The following MEAF6 variants were observed in gnomAD, a reference collection of about 807,000 sequenced individuals.
The protein encoded by MEAF6 is chromatin modification-related protein MEAF6.
In MEAF6, 15 loss-of-function variants were observed where a neutral mutation model predicts 28.9. The ratio of observed to expected loss-of-function variants is 0.52; its 90% CI spans 0.35 to 0.80. The LOEUF is 0.80. MEAF6 is among the 30% of genes least tolerant of loss of function. MEAF6 has a pLI of 0.01. For synonymous variants in MEAF6, 97 were observed against 88.7 expected (o/e 1.09, Z -0.53); for missense variants, 178 against 237.5 (o/e 0.75, Z 1.65).
chr1:37,514,275 A>T (rs1339671306), intron 1 of MEAF6: 1 of 146,622 alleles, frequency 6.8e-6, no homozygotes, highest in Non-Finnish European at 1.4e-5. Context: ...CCCCTCCCAC[A>T]CTAGCCTCCT....
At chr1:37,495,684 C>CA (rs376230589) in intron 6 of MEAF6, among the ~76,000 whole-genome samples, 34,669 of 69,290 alleles carry the variant, frequency 0.5, 6,726 homozygotes, top group East Asian at 0.59. Flanking sequence ...AACTGTCTCT[C>CA]AAAAAAAAAA....
intron 2 of MEAF6, among the ~76,000 whole-genome samples, chr1:37,512,684 G>C (rs1218272722): frequency 6.6e-6 from 1 of 151,902 alleles, no homozygotes. Flanking sequence ...GAAACCAGGA[G>C]TTCCAGGCCT....
intron 4 of MEAF6, among the ~76,000 whole-genome samples, chr1:37,506,423 G>C (rs905790302): frequency 2.6e-5 from 4 of 152,186 alleles, no homozygotes; most frequent in African/African-American, 7.2e-5. Flanking sequence ...GCCCAGGCTA[G>C]AGTACAGAGC....
intron 5 of MEAF6, among the ~76,000 whole-genome samples, chr1:37,497,340 G>A (rs1293001952): frequency 2.6e-5 from 4 of 151,050 alleles, no homozygotes; most frequent in East Asian, 2.0e-4. Context: ...CCGGGTTCAC[G>A]CCATTCTCCT....
intron 6 of MEAF6, among the ~76,000 whole-genome samples, chr1:37,494,901 G>A (rs985180958): frequency 2.0e-5 from 3 of 151,880 alleles, no homozygotes; most frequent in Non-Finnish European, 4.4e-5. Flanking sequence ...ATCTGAAAAT[G>A]GTCTGCCTTC....
rs1197320850 is a variant in MEAF6, at chr1:37,496,888, A to G, written c.534-970T>C. 3 of 742,174 alleles carry G rather than the reference A, an allele frequency of 4.0e-6. No individual in the cohort carries two copies. In the African/African-American group the frequency reaches 5.5e-5, roughly 14 times the overall value. The allele number at this position is 742,174 out of a possible 1,614,324, so 46.0% of individuals were successfully genotyped here. On this transcript the variant is annotated intron_variant, in intron 5 of 6. Transcript: ENST00000296214. ...AGTATCAAACATCAAAGCACCAAAG[A>G]TTTTGTGGTCAGAAGATTCCCTTCC...
At chr1:37,512,495 CATTTT>C (rs75555946) in intron 2 of MEAF6, among the ~76,000 whole-genome samples, 29,537 of 151,966 alleles carry the variant, frequency 0.19, 3,301 homozygotes, top group East Asian at 0.32. Flanking sequence ...CTATTCTTCC[CATTTT>C]CCTATAATTT....
In MEAF6 at chr1:37,492,097, C is replaced by G. The variant is rs1569943001; in HGVS notation, c.*2002G>C. ...AGGCTGGAGTGCAGTGGCACTATCTCAGCTCACTGTAAGCTCCGCCTCCCA... is the reference window on the plus strand; with the variant it reads ...AGGCTGGAGTGCAGTGGCACTATCTGAGCTCACTGTAAGCTCCGCCTCCCA... On this transcript the variant is annotated 3_prime_UTR_variant, in exon 7 of 7. Coordinates refer to ENST00000296214, the MANE Select transcript of MEAF6 (RefSeq NM_001270875.3). Among the ~76,000 whole-genome samples the G allele has an allele frequency of 6.6e-6, 1 of 151,702 alleles. No homozygotes were observed. The highest frequency in any genetic ancestry group is 2.4e-5 in the African/African-American group (1 of 41,276).
chr1:37,509,571 C>T, intron 2 of MEAF6, 29 bp from the exon 3 acceptor site: 2 of 1,591,752 alleles, frequency 1.3e-6, no homozygotes, highest in South Asian at 1.1e-5. Context: ...TCATTATGAG[C>T]ACCAAGCTAT....
At chr1:37,508,049 G>C (rs1642543222) in intron 4 of MEAF6, among the ~76,000 whole-genome samples, 1 of 151,864 alleles carries the variant, frequency 6.6e-6, no homozygotes, top group Non-Finnish European at 1.5e-5. Context: ...CCGAGAACAG[G>C]TCGTATTTCA....
chr1:37,501,671 A>C lies in MEAF6; in HGVS notation c.533+133T>G. ...TCCCTTTGAGCAAATTAGCCCGTTC[A>C]CTTGGACCTAATGACTTTCTTGCCA... On this transcript the variant is annotated intron_variant, in intron 5 of 6. Transcript: ENST00000296214. 3 of 883,476 alleles carry C rather than the reference A, an allele frequency of 3.4e-6. No individual in the cohort carries two copies. In the South Asian group the frequency reaches 8.3e-5, roughly 24 times the overall value. The allele number at this position is 883,476 out of a possible 1,614,324, so 54.7% of individuals were successfully genotyped here. A position where few individuals can be genotyped will look rare whatever the true frequency, so the allele number is the denominator to read the frequency against.
intron 4 of MEAF6, among the ~76,000 whole-genome samples, chr1:37,502,930 T>C (rs541895044): frequency 6.6e-6 from 1 of 151,768 alleles, no homozygotes; most frequent in East Asian, 1.9e-4. Context: ...TGGTAAGTTT[T>C]ATTTTATTTC....
chr1:37,497,101 T>C (rs755273639), intron 5 of MEAF6, among the ~76,000 whole-genome samples: 4 of 152,198 alleles, frequency 2.6e-5, no homozygotes, highest in Non-Finnish European at 5.9e-5. Context: ...AGTTATATAA[T>C]GAAAGGCACT....
intron 6 of MEAF6, 62 bp downstream of exon 6, chr1:37,495,823 T>C: frequency 6.5e-7 from 1 of 1,530,130 alleles, no homozygotes. Flanking sequence ...TGAAGACAAA[T>C]ACATTTTTCT....
At chr1:37,494,515 C>CAA (rs35851858) in intron 6 of MEAF6, among the ~76,000 whole-genome samples, 977 of 81,996 alleles carry the variant, frequency 0.012, 15 homozygotes, top group African/African-American at 0.033. Context: ...AACTCTGTTT[C>CAA]AAAAAAAAAA....
chr1:37,509,133 A>G lies in MEAF6; in HGVS notation c.340+145T>C, dbSNP rs547340048. On this transcript the variant is annotated intron_variant, in intron 4 of 6. Transcript: ENST00000296214. ...AGAAAAACATGATTAAGGATACCCTAAAAGTTTCAAAACTTCCAGGAAGAA... is the reference window on the plus strand; with the variant it reads ...AGAAAAACATGATTAAGGATACCCTGAAAGTTTCAAAACTTCCAGGAAGAA... 2.7e-5 allele frequency: 21 copies of G among 764,870 alleles called. No homozygotes were observed. In the South Asian group the frequency reaches 3.5e-4, roughly 13 times the overall value. 47.4% of individuals were successfully genotyped at this position (764,870 alleles called of 1,614,324 possible).
intron 4 of MEAF6, among the ~76,000 whole-genome samples, chr1:37,505,447 C>G (rs1249476216): frequency 1.3e-5 from 2 of 152,306 alleles, no homozygotes; most frequent in South Asian, 4.1e-4. Flanking sequence ...TGGCCCAACA[C>G]AAATTTGTAA....
At chr1:37,495,377 T>TAAATAAATAAAG (rs1642085398) in intron 6 of MEAF6, among the ~76,000 whole-genome samples, 1 of 139,072 alleles carries the variant, frequency 7.2e-6, no homozygotes, top group South Asian at 2.3e-4. Context: ...AATAAATAAA[T>TAAATAAATAAAG]AAAGTATGTG....
chr1:37,494,532 AAAAAG>A (rs1324885388), intron 6 of MEAF6, among the ~76,000 whole-genome samples: 1 of 147,512 alleles, frequency 6.8e-6, no homozygotes, highest in Non-Finnish European at 1.5e-5. Flanking sequence ...AAAAAAAAAA[AAAAAG>A]ATTGTATTTC....
Sources: allele counts gnomAD v4.1 joint callset (sites outside exome capture counted in the v4.1 genomes callset), GRCh38; gene constraint gnomAD v4.1.1; transcripts MANE v1.5; gene names NCBI Gene and HGNC (gene_info 2026-07-23, HGNC 2026-07-21).